The following KAZN variants were observed in gnomAD, a reference collection of about 807,000 sequenced individuals.
KAZN encodes kazrin.
Under a neutral mutation model 87.4 loss-of-function variants are expected in KAZN, and 40 were observed. The ratio of observed to expected loss-of-function variants is 0.46; its 90% CI spans 0.36 to 0.60. The LOEUF (loss-of-function observed/expected upper bound fraction) is 0.60, where lower values mean the gene tolerates loss of function less well. Among genes scored for constraint, KAZN ranks in the 20% least tolerant of loss-of-function variants. KAZN has a pLI of 0.00. For missense variants in KAZN, 898 were observed against 1,073.9 expected (o/e 0.84, Z 2.29); for synonymous variants, 466 against 458.3 (o/e 1.02, Z -0.22).
chr1:15,082,196 G>A (rs1197439108), intron 8 of KAZN, among the ~76,000 whole-genome samples: 1 of 152,048 alleles, frequency 6.6e-6, no homozygotes, highest in African/African-American at 2.4e-5. Flanking sequence ...GACCCTATGG[G>A]GCAGCAACAG....
At chr1:14,607,247 C>A (rs968856173) in intron 1 of KAZN, among the ~76,000 whole-genome samples, 1 of 152,190 alleles carries the variant, frequency 6.6e-6, no homozygotes, top group Non-Finnish European at 1.5e-5. Context: ...TATAATACCT[C>A]AACGAATCCT....
chr1:14,403,919 G>A (rs774361500), intron 2 of KAZN, among the ~76,000 whole-genome samples: 3 of 109,618 alleles, frequency 2.7e-5, no homozygotes, highest in Non-Finnish European at 5.7e-5. Flanking sequence ...AAAAGAAAAA[G>A]AAGAGGTCTC....
intron 2 of KAZN, among the ~76,000 whole-genome samples, chr1:14,208,330 G>A (rs967118011): frequency 3.9e-5 from 6 of 152,146 alleles, no homozygotes; most frequent in Non-Finnish European, 8.8e-5. Context: ...CAATAGTAAA[G>A]GTTATATAAA....
intron 1 of KAZN, among the ~76,000 whole-genome samples, chr1:13,974,243 G>A (rs1330818873): frequency 6.6e-6 from 1 of 152,222 alleles, no homozygotes; most frequent in Non-Finnish European, 1.5e-5. Flanking sequence ...ACAAGCAGCT[G>A]CCTAGAATAA....
At chr1:14,454,193 AAG>A (rs1667438369) in intron 2 of KAZN, among the ~76,000 whole-genome samples, 1 of 152,302 alleles carries the variant, frequency 6.6e-6, no homozygotes, top group South Asian at 2.1e-4. Flanking sequence ...AAGGCATGGA[AAG>A]AGAGGGGTTT....
intron 1 of KAZN, among the ~76,000 whole-genome samples, chr1:14,907,852 C>A (rs778888822): frequency 6.6e-6 from 1 of 152,092 alleles, no homozygotes; most frequent in African/African-American, 2.4e-5. Context: ...TGGAAGGGCA[C>A]CCCTCCTCCA....
At chr1:15,079,659 TC>T (rs1171510901) in intron 8 of KAZN, among the ~76,000 whole-genome samples, 1 of 151,750 alleles carries the variant, frequency 6.6e-6, no homozygotes. Flanking sequence ...TGTGTCAAGA[TC>T]CCCCCCTCAC....
chr1:14,970,285 G>A (rs1205755504), intron 2 of KAZN, among the ~76,000 whole-genome samples: 6 of 152,288 alleles, frequency 3.9e-5, no homozygotes, highest in African/African-American at 2.4e-5. Context: ...CTTGTGTCGT[G>A]CTTGCTGATA....
At chr1:14,805,014 C>T (rs1284265394) in intron 1 of KAZN, among the ~76,000 whole-genome samples, 1 of 152,222 alleles carries the variant, frequency 6.6e-6, no homozygotes, top group Non-Finnish European at 1.5e-5. Flanking sequence ...AAGCCACTTG[C>T]TCAAACTCCC....
intron 1 of KAZN, among the ~76,000 whole-genome samples, chr1:14,918,707 AATATATATATATATATATATATAT>A (rs201058383): frequency 2.8e-4 from 7 of 24,686 alleles, no homozygotes; most frequent in East Asian, 3.4e-3. Context: ...AAAAAAAAAA[AATATATATATATATATATATATAT>A]ATATATATAT....
chr1:14,386,998 G>C (rs1661970297), intron 2 of KAZN, among the ~76,000 whole-genome samples: 1 of 152,102 alleles, frequency 6.6e-6, no homozygotes, highest in African/African-American at 2.4e-5. Context: ...TATTTCTTGG[G>C]AGGCTTTGCT....
At chr1:14,736,257 GTGTGTGTGTGTGTGTGTGTGTGT>G in intron 1 of KAZN, among the ~76,000 whole-genome samples, 1 of 99,596 alleles carries the variant, frequency 1.0e-5, no homozygotes. Context: ...ACTCAAGGGT[GTGTGTGTGTGTGTGTGTGTGTGT>G]GTGTGTGTGT....
chr1:14,024,722 G>C (rs1194935710), intron 1 of KAZN, among the ~76,000 whole-genome samples: 5 of 152,210 alleles, frequency 3.3e-5, no homozygotes, highest in African/African-American at 1.2e-4. Context: ...GATAAACCCA[G>C]GGGAGGGAGT....
At chr1:14,677,941 G>A (rs891109454) in intron 1 of KAZN, among the ~76,000 whole-genome samples, 1 of 152,192 alleles carries the variant, frequency 6.6e-6, no homozygotes, top group African/African-American at 2.4e-5. Context: ...GATAGCTTGT[G>A]CAGAAATGGG....
chr1:14,923,346 A>C lies in KAZN; in HGVS notation c.227-37338A>C, dbSNP rs1331756186. Among the ~76,000 whole-genome samples, 8 of 152,216 alleles carry C rather than the reference A, an allele frequency of 5.3e-5. No homozygotes were observed. The East Asian group carries it at 1.5e-3, about 29-fold the overall frequency. ...GCTCAGAGCTGCACACTTACTTCACAGGAGCACTGCCAGCCTGAACACCCA... is the reference window on the plus strand; with the variant it reads ...GCTCAGAGCTGCACACTTACTTCACCGGAGCACTGCCAGCCTGAACACCCA... On this transcript the variant is annotated intron_variant, in intron 1 of 14. Transcript: ENST00000376030. The surrounding 1 kb of genome is among the most constrained non-coding windows in gnomAD (Gnocchi z 4.2).
intron 1 of KAZN, among the ~76,000 whole-genome samples, chr1:13,947,323 C>T (rs965931710): frequency 7.9e-5 from 12 of 152,078 alleles, no homozygotes; most frequent in African/African-American, 1.4e-4. Context: ...TAGGGTCACT[C>T]GGGTAGCAAG....
intron 1 of KAZN, among the ~76,000 whole-genome samples, chr1:13,934,991 C>A (rs1174302292): frequency 6.6e-6 from 1 of 151,928 alleles, no homozygotes; most frequent in Non-Finnish European, 1.5e-5. Context: ...AATCCCAGCA[C>A]CTTGAGAGGT....
chr1:14,748,159 A>G (rs146230081), intron 1 of KAZN, among the ~76,000 whole-genome samples: 48 of 152,342 alleles, frequency 3.2e-4, no homozygotes, highest in Admixed American at 9.8e-4. Flanking sequence ...TTCTACCAGA[A>G]TTCTATCAGA....
At chr1:14,431,680 CCTT>C (rs947694858) in intron 2 of KAZN, among the ~76,000 whole-genome samples, 1 of 152,134 alleles carries the variant, frequency 6.6e-6, no homozygotes, top group African/African-American at 2.4e-5. Flanking sequence ...CTTCTGGCTT[CCTT>C]CTTCTTCCTG....
Sources: gnomAD v4.1 joint callset for allele counts (sites outside exome capture counted in the v4.1 genomes callset) on GRCh38, gnomAD v4.1.1 for gene constraint, Gnocchi (gnomAD v3.1) non-coding constraint, MANE v1.5 for transcripts, NCBI Gene and HGNC (gene_info 2026-07-23, HGNC 2026-07-21) for gene names.